Variants in HYDIN observed in about 807,000 individuals in gnomAD.
The protein encoded by HYDIN is axonemal central pair apparatus protein HYDIN.
Under a neutral mutation model 403.9 loss-of-function variants are expected in HYDIN, and 132 were observed. The observed-to-expected ratio is 0.33, with a 90% CI of 0.28 to 0.38. The LOEUF is 0.38. Among genes scored for constraint, HYDIN ranks in the 10% least tolerant of loss-of-function variants. The pLI, the probability that HYDIN is intolerant of heterozygous loss-of-function variation, is 1.00. For missense variants in HYDIN, 2,827 were observed against 5,009.5 expected (o/e 0.56, Z 13.15); for synonymous variants, 1,202 against 1,891.7 (o/e 0.64, Z 9.46).
At chr16:71,193,198 A>G (rs1348562391) in intron 1 of HYDIN, among the ~76,000 whole-genome samples, 1 of 152,264 alleles carries the variant, frequency 6.6e-6, no homozygotes, top group Non-Finnish European at 1.5e-5. Context: ...AGCTCAGTAA[A>G]TAATTGTTGA....
At chr16:71,152,616 C>A (rs1181126846) in intron 7 of HYDIN, 43 bp downstream of exon 7, 1 of 649,914 alleles carries the variant, frequency 1.5e-6, no homozygotes, top group African/African-American at 1.8e-5. Context: ...TCTCATCTGA[C>A]CTTTCTTAAT....
chr16:70,989,403 C>T (rs1255977228), intron 25 of HYDIN, among the ~76,000 whole-genome samples: 2 of 152,106 alleles, frequency 1.3e-5, no homozygotes, highest in South Asian at 2.1e-4. Context: ...ATTTAAAAGA[C>T]AAATATTTTA....
intron 21 of HYDIN, among the ~76,000 whole-genome samples, chr16:71,022,796 A>G (rs971145332): frequency 1.4e-5 from 2 of 147,432 alleles, no homozygotes; most frequent in African/African-American, 4.9e-5. Context: ...AGCTCAATTC[A>G]CTTTTTGATT....
chr16:70,951,678 G>A lies in HYDIN; in HGVS notation c.6531+743C>T, dbSNP rs537489470. ...GATCTCATTCCCTCTTGAGTGGATC[G>A]CCACATGACACTTCTCCAGGGGTTC... On this transcript the variant is annotated intron_variant, in intron 41 of 85. Transcript: ENST00000393567. Among the ~76,000 whole-genome samples, 195 of 151,584 alleles carry A rather than the reference G, an allele frequency of 1.3e-3. 2 individuals carry two copies. The highest frequency in any genetic ancestry group is 2.4e-3 in the Non-Finnish European group (165 of 67,916).
chr16:70,822,078 A>C (rs1344348169), intron 83 of HYDIN, among the ~76,000 whole-genome samples: 1 of 152,126 alleles, frequency 6.6e-6, no homozygotes, highest in African/African-American at 2.4e-5. Flanking sequence ...AAGTCTTGTT[A>C]TTTAAGAAAT....
intron 14 of HYDIN, among the ~76,000 whole-genome samples, chr16:71,068,742 T>G (rs1265087700): frequency 6.6e-6 from 1 of 152,194 alleles, no homozygotes; most frequent in Non-Finnish European, 1.5e-5. Context: ...TTCCTCAGGA[T>G]GAGGAAGCTG....
chr16:70,830,943 A>G (rs1274861387), intron 80 of HYDIN, among the ~76,000 whole-genome samples: 2 of 151,858 alleles, frequency 1.3e-5, no homozygotes, highest in Admixed American at 1.3e-4. Flanking sequence ...AGTTGTCAGT[A>G]TAGCAATTTC....
intron 23 of HYDIN, among the ~76,000 whole-genome samples, chr16:71,011,561 AAAC>A: frequency 6.7e-6 from 1 of 149,448 alleles, no homozygotes; most frequent in South Asian, 2.2e-4. Flanking sequence ...ACAAACAAAC[AAAC>A]AAAAAACAAC....
chr16:71,059,784 A>T (rs928167892), intron 18 of HYDIN, among the ~76,000 whole-genome samples: 12 of 152,182 alleles, frequency 7.9e-5, no homozygotes, highest in Non-Finnish European at 1.8e-4. Context: ...CTAAAATAAA[A>T]GTTTAAAAAA....
chr16:71,108,380 G>T (rs956959256), intron 10 of HYDIN, among the ~76,000 whole-genome samples: 9 of 152,156 alleles, frequency 5.9e-5, no homozygotes, highest in Admixed American at 5.9e-4. Context: ...ATCAAGAACA[G>T]AATGGTGGTG....
intron 75 of HYDIN, among the ~76,000 whole-genome samples, chr16:70,840,909 T>C (rs1468784608): frequency 6.6e-6 from 1 of 152,136 alleles, no homozygotes; most frequent in Non-Finnish European, 1.5e-5. Flanking sequence ...CATTGGTACA[T>C]GAAGTTAATT....
chr16:71,136,923 A>C (rs968295479), intron 8 of HYDIN, among the ~76,000 whole-genome samples: 60 of 132,298 alleles, frequency 4.5e-4, no homozygotes, highest in Admixed American at 8.0e-4. Context: ...CTAAACTATA[A>C]ACAGGTTACA....
chr16:71,031,501 G>C, intron 19 of HYDIN, 178 bp downstream of exon 19: 23 of 1,324,972 alleles, frequency 1.7e-5, no homozygotes, highest in Non-Finnish European at 2.2e-5. Flanking sequence ...GTTATGGCTA[G>C]AAAATGTCTT....
chr16:71,152,961 A>C (rs1230877678), intron 6 of HYDIN, 178 bp from the exon 7 acceptor site: 2 of 544,006 alleles, frequency 3.7e-6, no homozygotes, highest in Non-Finnish European at 6.6e-6. Flanking sequence ...TTTTAATGTT[A>C]AAATGACAGC....
chr16:71,011,765 T>C (rs1319007054), intron 23 of HYDIN, among the ~76,000 whole-genome samples: 1 of 151,402 alleles, frequency 6.6e-6, no homozygotes, highest in East Asian at 1.9e-4. Flanking sequence ...AATTGAGGAA[T>C]GATGAAGACA....
intron 50 of HYDIN, among the ~76,000 whole-genome samples, chr16:70,905,244 G>A (rs1364956388): frequency 1.3e-5 from 2 of 151,460 alleles, no homozygotes. Context: ...ACTTCCATCC[G>A]GCACTGTGCT....
At chr16:71,139,716 T>G (rs2085094176) in intron 7 of HYDIN, among the ~76,000 whole-genome samples, 1 of 151,952 alleles carries the variant, frequency 6.6e-6, no homozygotes, top group Non-Finnish European at 1.5e-5. Flanking sequence ...AATAAAAATA[T>G]ATGAAAAATA....
intron 10 of HYDIN, among the ~76,000 whole-genome samples, chr16:71,097,736 C>T (rs2083315591): frequency 6.7e-6 from 1 of 148,596 alleles, no homozygotes; most frequent in Non-Finnish European, 1.5e-5. Context: ...TAAATGTATA[C>T]CATATAATTT....
At position 70,829,802 on chromosome 16, in the gene HYDIN, G is replaced by C; in HGVS notation, c.13928C>G (p.Ser4643Cys). Reference protein sequence around the residue: ...EVVNFTCQVRSKHTQTILLSN... With the variant: ...EVVNFTCQVRCKHTQTILLSN... ...CAGCAGGATGGTCTGCGTGTGCTTG[G>C]AGCGCACCTGGCACGTGAAATTCAC... is the stretch of plus-strand genomic sequence containing the variant. Residue 4643 changes from serine to cysteine, a missense_variant, in exon 81 of 86, where the codon TCC becomes TGC. Coordinates refer to ENST00000393567, the MANE Select transcript of HYDIN (RefSeq NM_001270974.2). The C allele has an allele frequency of 6.2e-7, 1 of 1,614,028 alleles. No homozygotes were observed. The highest frequency in any genetic ancestry group is 1.1e-5 in the South Asian group (1 of 91,070).
Sources: allele counts gnomAD v4.1 joint callset (sites outside exome capture counted in the v4.1 genomes callset), GRCh38; gene constraint gnomAD v4.1.1; transcripts MANE v1.5; gene names NCBI Gene and HGNC (gene_info 2026-07-23, HGNC 2026-07-21).